The following HIVEP1 variants were observed in gnomAD, a reference collection of about 807,000 sequenced individuals.
The protein encoded by HIVEP1 is HIVEP zinc finger 1, also known as zinc finger protein 40.
A neutral mutation model predicts 180.0 loss-of-function variants in HIVEP1; 36 were observed. The observed-to-expected ratio is 0.20, with a 90% CI of 0.15 to 0.26. HIVEP1 has a LOEUF of 0.26. HIVEP1 is among the 10% of genes least tolerant of loss of function. The pLI, the probability that HIVEP1 is intolerant of heterozygous loss-of-function variation, is 1.00. For synonymous variants in HIVEP1, 1,239 were observed against 1,239.0 expected, an observed-to-expected ratio of 1.00 and a Z score of 0.00; for missense variants, 3,143 against 3,268.7, an observed-to-expected ratio of 0.96 and a Z score of 0.94.
the HIVEP1 span, among the ~76,000 whole-genome samples, chr6:12,171,975 G>C: frequency 7.9e-5 from 12 of 152,076 alleles, no homozygotes; most frequent in African/African-American, 2.7e-4. Flanking sequence ...CCACCTCCAA[G>C]AGCTCGGACT....
the HIVEP1 span, among the ~76,000 whole-genome samples, chr6:12,184,018 T>TAGACAGACAGAC: frequency 6.2e-3 from 804 of 129,804 alleles, 2 homozygotes; most frequent in Non-Finnish European, 9.0e-3. Context: ...GATAGATAGA[T>TAGACAGACAGAC]AGATAGACAG....
the HIVEP1 span, among the ~76,000 whole-genome samples, chr6:12,170,079 C>A: frequency 6.6e-6 from 1 of 151,952 alleles, no homozygotes; most frequent in Non-Finnish European, 1.5e-5. Context: ...TGAGATCATG[C>A]CGCTGCACTC....
At position 12,122,768 on chromosome 6, in the gene HIVEP1, G is replaced by C; in HGVS notation, c.2973G>C (p.Lys991Asn). 1 of 1,611,982 alleles carries C rather than the reference G, an allele frequency of 6.2e-7. No homozygotes were observed. Among genetic ancestry groups the C allele is most frequent in the South Asian group, 1.1e-5 (1 of 90,668 alleles). Residue 991 changes from lysine (K) to asparagine (N), a missense_variant, in exon 4 of 9, where the codon AAG becomes AAC. Lys to Asn is a moderately conservative substitution (Grantham distance 94). Around this residue, in one of 12 missense-constraint regions of HIVEP1, gnomAD observed 204 missense variants for 243.7 expected, o/e 0.84. Transcript: ENST00000379388. ...YCSELHGPKT[K>N]VAMREPEHSP... ...CTGAGTTACATGGACCAAAAACAAA[G>C]GTAGCCATGAGAGAACCTGAGCACA...
At chr6:12,099,891 A>T (rs1418357000) in intron 3 of HIVEP1, among the ~76,000 whole-genome samples, 1 of 152,202 alleles carries the variant, frequency 6.6e-6, no homozygotes, top group Non-Finnish European at 1.5e-5. Flanking sequence ...TTCTTTTGTC[A>T]TATTAAATTA....
At position 12,014,880 on chromosome 6, in the gene HIVEP1, G is replaced by A. The variant is rs891597691; in HGVS notation, c.-103-646G>A. On this transcript the variant is annotated intron_variant, in intron 1 of 8. Coordinates refer to ENST00000379388, the MANE Select transcript of HIVEP1 (RefSeq NM_002114.4). ...GCTGTGTGATCACGTGGGTTAGCCA[G>A]AGCTGACTTTGTGGTGGTGTCAGAT... Among the ~76,000 whole-genome samples, 3 of 152,232 alleles carry A rather than the reference G, an allele frequency of 2.0e-5. No individual in the cohort carries two copies. The South Asian group carries it at 6.2e-4, about 31-fold the overall frequency.
At chr6:12,070,265 G>T (rs545470263) in intron 2 of HIVEP1, among the ~76,000 whole-genome samples, 2 of 152,292 alleles carry the variant, frequency 1.3e-5, no homozygotes, top group East Asian at 1.9e-4. Context: ...ATTATGTATT[G>T]TACATAATTG....
At chr6:12,108,288 CCG>C (rs1487075594) in intron 3 of HIVEP1, among the ~76,000 whole-genome samples, 6 of 152,226 alleles carry the variant, frequency 3.9e-5, no homozygotes, top group Non-Finnish European at 7.3e-5. Flanking sequence ...TAAAGATTCT[CCG>C]CGTCCCCACC....
At chr6:12,011,080 G>T (rs1421373053), upstream of HIVEP1, among the ~76,000 whole-genome samples, 1 of 152,148 alleles carries the variant, frequency 6.6e-6, no homozygotes, top group African/African-American at 2.4e-5. Flanking sequence ...GGCTTTCCTC[G>T]CTCTTTTAAT....
chr6:12,057,741 T>A (rs1441958727), intron 2 of HIVEP1, among the ~76,000 whole-genome samples: 2 of 152,212 alleles, frequency 1.3e-5, no homozygotes, highest in African/African-American at 4.8e-5. Flanking sequence ...TCTTGAATAT[T>A]TGATATTATA....
At chr6:12,077,793 T>G (rs912157278) in intron 2 of HIVEP1, among the ~76,000 whole-genome samples, 10 of 152,218 alleles carry the variant, frequency 6.6e-5, no homozygotes, top group African/African-American at 2.4e-4. Context: ...TGCCTCTCAG[T>G]CTCCCTCTTC....
intron 3 of HIVEP1, among the ~76,000 whole-genome samples, chr6:12,111,448 A>G (rs939462213): frequency 6.6e-6 from 1 of 152,268 alleles, no homozygotes; most frequent in African/African-American, 2.4e-5. Context: ...GGACCTGGCT[A>G]TAATGATGAT....
At chr6:12,024,749 C>T (rs746880389) in intron 2 of HIVEP1, among the ~76,000 whole-genome samples, 9 of 152,176 alleles carry the variant, frequency 5.9e-5, no homozygotes, top group Non-Finnish European at 1.2e-4. Flanking sequence ...ATAAACTGGG[C>T]TGATACACAG....
At chr6:12,201,475 A>AAAAC in the HIVEP1 span, among the ~76,000 whole-genome samples, 58 of 147,086 alleles carry the variant, frequency 3.9e-4, no homozygotes, top group South Asian at 8.7e-4. Flanking sequence ...AGACCCATCT[A>AAAAC]AAACAAACAA....
At chr6:12,173,500 A>G in the HIVEP1 span, among the ~76,000 whole-genome samples, 4 of 152,298 alleles carry the variant, frequency 2.6e-5, no homozygotes, top group East Asian at 7.7e-4. Context: ...AGAAAAATAA[A>G]TATTTGTTCT....
chr6:12,187,319 G>T, the HIVEP1 span, among the ~76,000 whole-genome samples: 1 of 152,118 alleles, frequency 6.6e-6, no homozygotes, highest in Admixed American at 6.5e-5. Flanking sequence ...GGAGGTGTTT[G>T]GGTCATGGGG....
chr6:12,170,126 G>GAA, the HIVEP1 span, among the ~76,000 whole-genome samples: 9 of 147,866 alleles, frequency 6.1e-5, no homozygotes, highest in South Asian at 4.3e-4. Flanking sequence ...ATCTCAAAAA[G>GAA]AAAAAAAAAA....
At chr6:12,179,770 C>T in the HIVEP1 span, among the ~76,000 whole-genome samples, 1 of 152,138 alleles carries the variant, frequency 6.6e-6, no homozygotes, top group South Asian at 2.1e-4. Flanking sequence ...ACCAAAAGTT[C>T]AGTAGAAATC....
the HIVEP1 span, among the ~76,000 whole-genome samples, chr6:12,185,211 TG>T: frequency 1.3e-5 from 2 of 152,232 alleles, no homozygotes; most frequent in African/African-American, 4.8e-5. Flanking sequence ...GCTTTCTGCC[TG>T]GGGCACTTTC....
At chr6:12,026,836 A>T (rs2113624742) in intron 2 of HIVEP1, among the ~76,000 whole-genome samples, 1 of 152,342 alleles carries the variant, frequency 6.6e-6, no homozygotes, top group East Asian at 1.9e-4. Flanking sequence ...TAAACCAGCA[A>T]AAGAGTAATA....
Sources: gnomAD v4.1 joint callset for allele counts (sites outside exome capture counted in the v4.1 genomes callset) on GRCh38, gnomAD v4.1.1 for gene constraint, gnomAD v4.1.1 regional missense constraint, MANE v1.5 for transcripts, NCBI Gene and HGNC (gene_info 2026-07-23, HGNC 2026-07-21) for gene names.